Variants in COQ9 observed in about 807,000 individuals in gnomAD.
COQ9 encodes the protein ubiquinone biosynthesis protein COQ9, mitochondrial.
COQ9 carries 35 observed loss-of-function variants against 42.4 expected under a neutral mutation model. The ratio of observed to expected loss-of-function variants is 0.83; its 90% CI spans 0.63 to 1.10. The LOEUF (loss-of-function observed/expected upper bound fraction) is 1.10. COQ9 is among the 50% of genes least tolerant of loss of function. COQ9 has a pLI of 0.00. For synonymous variants in COQ9, 155 were observed against 155.1 expected, an observed-to-expected ratio of 1.00 and a Z score of 0.00; for missense variants, 406 against 414.6, an observed-to-expected ratio of 0.98 and a Z score of 0.18.
intron 3 of COQ9, 86 bp from the exon 4 acceptor site, chr16:57,456,418 T>C (rs2030403196): frequency 6.8e-7 from 1 of 1,477,008 alleles, no homozygotes. Context: ...CTGCTGTCAC[T>C]AGGAAGAGGC....
At position 57,459,486 on chromosome 16, in the gene COQ9, C is replaced by T. The variant is rs1042312082; in HGVS notation, c.712-79C>T. 3.4e-6 allele frequency: 5 copies of T among 1,463,700 alleles called. No homozygotes were observed. In the South Asian group the frequency reaches 4.6e-5, roughly 13 times the overall value. The allele number at this position is 1,463,700 out of a possible 1,614,324, so 90.7% of individuals were successfully genotyped here. On this transcript the variant is annotated intron_variant, in intron 6 of 8. Coordinates refer to ENST00000262507, the MANE Select transcript of COQ9 (RefSeq NM_020312.4). ...AGTCAAGAAGTAGTCAAGAGGGAAC[C>T]CAGGAGTTCCCATGGCCTTGGGTAG... is the stretch of plus-strand genomic sequence containing the variant.
chr16:57,452,352 T>C (rs1465327375), intron 2 of COQ9, among the ~76,000 whole-genome samples: 1 of 152,238 alleles, frequency 6.6e-6, no homozygotes, highest in East Asian at 1.9e-4. Context: ...CATTAAAACG[T>C]TGATACTGGC....
chr16:57,456,058 A>T (rs1219622496), intron 3 of COQ9, among the ~76,000 whole-genome samples: 1 of 152,100 alleles, frequency 6.6e-6, no homozygotes, highest in East Asian at 1.9e-4. Flanking sequence ...TCAAAAAAAA[A>T]GTAAAAAGAA....
rs1391021317 is a variant in COQ9, at chr16:57,456,510, G to C, written c.385G>C (p.Gly129Arg). 6.2e-7 allele frequency: 1 copy of C among 1,614,108 alleles called. No homozygotes were observed. The highest frequency in any genetic ancestry group is 1.7e-5 in the Admixed American group (1 of 60,014). ...EAIAEGAQSL[G>R]LSSAAASMFG... ...TCTGTCTCCCCTTTTGTAGTCTCTG[G>C]GTCTCTCCAGTGCAGCAGCCAGCAT... Residue 129 changes from glycine to arginine, a missense_variant, in exon 4 of 9, where the codon GGT (glycine) becomes CGT (arginine). Coordinates refer to ENST00000262507, the MANE Select transcript of COQ9 (RefSeq NM_020312.4).
chr16:57,461,030 C>T lies in COQ9; in HGVS notation c.*406C>T. Reference sequence around the variant, plus strand: ...AAGGTCTGACGCCACCTCAAGGTGACAGCTCATCTCCAGCACAGCACAGGC... The same window carrying T: ...AAGGTCTGACGCCACCTCAAGGTGATAGCTCATCTCCAGCACAGCACAGGC... On this transcript the variant is annotated 3_prime_UTR_variant, in exon 9 of 9. Coordinates refer to ENST00000262507, the MANE Select transcript of COQ9 (RefSeq NM_020312.4). 1 of 373,726 alleles carries T rather than the reference C, an allele frequency of 2.7e-6. No homozygotes were observed. Among genetic ancestry groups the T allele is most frequent in the Non-Finnish European group, 5.3e-6 (1 of 188,960 alleles). 23.2% of individuals were successfully genotyped at this position (373,726 alleles called of 1,614,324 possible). A position where few individuals can be genotyped will look rare whatever the true frequency, so the allele number is the denominator to read the frequency against.
chr16:57,448,042 G>A (rs1380358417), intron 1 of COQ9, among the ~76,000 whole-genome samples: 2 of 152,248 alleles, frequency 1.3e-5, no homozygotes, highest in Middle Eastern at 3.4e-3. Flanking sequence ...TATGTACTCA[G>A]TATTTTTATT....
At chr16:57,453,272 C>T (rs542309808) in intron 3 of COQ9, 2 of 393,358 alleles carry the variant, frequency 5.1e-6, no homozygotes, top group East Asian at 5.8e-5. Context: ...AGAAAACATA[C>T]TGCCCTTCGA....
chr16:57,459,447 G>T lies in COQ9; in HGVS notation c.712-118G>T. 3.1e-6 allele frequency: 3 copies of T among 974,302 alleles called. No individual in the cohort carries two copies. The South Asian group carries it at 4.0e-5, about 13-fold the overall frequency. The allele number at this position is 974,302 out of a possible 1,614,324, so 60.4% of individuals were successfully genotyped here. A position where few individuals can be genotyped will look rare whatever the true frequency, so the allele number is the denominator to read the frequency against. On this transcript the variant is annotated intron_variant, in intron 6 of 8. Transcript: ENST00000262507. The stretch of plus-strand genomic sequence containing the variant: ...GATGGTAGTGTTGTCCAGAGGGCCA[G>T]ATGTATCTGTGACAGTCAAGAAGTA...
chr16:57,453,374 A>AC, intron 3 of COQ9: 1 of 252,642 alleles, frequency 4.0e-6, no homozygotes, highest in Non-Finnish European at 7.9e-6. Flanking sequence ...GTGTTTGAAA[A>AC]CCCCCAAGAA....
At chr16:57,451,331 T>G in intron 2 of COQ9, 123 bp downstream of exon 2, 1 of 1,101,860 alleles carries the variant, frequency 9.1e-7, no homozygotes, top group Non-Finnish European at 1.4e-6. Context: ...CCATCTTTGT[T>G]TTTTAGAATT....
intron 8 of COQ9, 85 bp from the exon 9 acceptor site, chr16:57,460,501 AGAG>A: frequency 7.7e-7 from 1 of 1,306,150 alleles, no homozygotes; most frequent in Non-Finnish European, 1.1e-6. Context: ...AAAAAAAAAA[AGAG>A]AAAAAGAAAA....
chr16:57,458,353 G>C lies in COQ9; in HGVS notation c.711+3G>C, dbSNP rs368777580. 56 of 1,602,306 alleles carry C rather than the reference G, an allele frequency of 3.5e-5. No individual in the cohort carries two copies. Among genetic ancestry groups the C allele is most frequent in the Non-Finnish European group, 4.7e-5 (55 of 1,170,968 alleles). On this transcript the variant is annotated splice_donor_region_variant and intron_variant, in intron 6 of 8. Transcript: ENST00000262507. Reference sequence around the variant, plus strand: ...ACGCTGGGGACCAGTCCACTGATGTGAGTGCTTTCTGCAGGCCCACAGGAG... The same window carrying C: ...ACGCTGGGGACCAGTCCACTGATGTCAGTGCTTTCTGCAGGCCCACAGGAG...
In COQ9 at chr16:57,456,990, T is replaced by G. The variant is rs2030419164; in HGVS notation, c.581T>G (p.Ile194Ser). 4 of 1,613,984 alleles carry G rather than the reference T, an allele frequency of 2.5e-6. No homozygotes were observed. Among genetic ancestry groups the G allele is most frequent in the Non-Finnish European group, 3.4e-6 (4 of 1,179,886 alleles). The change falls in exon 5 of 9, where the codon ATC (isoleucine) becomes AGC (serine). Residue 194 changes from isoleucine (I) to serine (S), a missense_variant. Physicochemically the swap from Ile to Ser is moderately radical, Grantham distance 142. Transcript: ENST00000262507. ...DAVETRLRML[I>S]PYIEHWPRAL... ...GTGGAAACCAGACTGAGAATGCTGA[T>G]CCCATACATTGAGCACTGGCCCCGG...
chr16:57,460,192 G>A, intron 8 of COQ9, 88 bp downstream of exon 8: 2 of 1,324,138 alleles, frequency 1.5e-6, no homozygotes, highest in Non-Finnish European at 2.2e-6. Flanking sequence ...TCATTTTGTA[G>A]CCCTAACCTG....
intron 5 of COQ9, among the ~76,000 whole-genome samples, chr16:57,457,726 G>T (rs969232289): frequency 1.3e-5 from 2 of 152,190 alleles, no homozygotes; most frequent in African/African-American, 4.8e-5. Context: ...GGAAGTGCAC[G>T]TATGAGGCCC....
intron 2 of COQ9, among the ~76,000 whole-genome samples, chr16:57,451,546 A>G (rs561138735): frequency 2.0e-5 from 3 of 152,266 alleles, no homozygotes; most frequent in Non-Finnish European, 4.4e-5. Context: ...CCTAAACAGT[A>G]TAGAGAAGTT....
Position 57,451,187 on chromosome 16 carries a change from A to G in COQ9, c.221A>G (p.Glu74Gly). Residue 74 changes from glutamate to glycine, a missense_variant, in exon 2 of 9, where the codon GAG becomes GGG. Physicochemically the swap from Glu to Gly is moderately conservative, Grantham distance 98 (BLOSUM62 -2). Transcript: ENST00000262507. ...CAGGGGGCAGAAAAACCTGATCCAG[A>G]GTCTTCTCATTCACCCCCCAGGTAG... The part of the protein sequence containing the change: ...ETQGAEKPDP[E>G]SSHSPPRYTD... 6.2e-7 allele frequency: 1 copy of G among 1,614,176 alleles called. No individual in the cohort carries two copies. The highest frequency in any genetic ancestry group is 8.5e-7 in the Non-Finnish European group (1 of 1,180,032).
At chr16:57,447,657 G>C in intron 1 of COQ9, 79 bp downstream of exon 1, 2 of 1,158,476 alleles carry the variant, frequency 1.7e-6, no homozygotes, top group Non-Finnish European at 2.2e-6. Context: ...TTCGACGGTG[G>C]GGGGAAGAGG....
chr16:57,450,063 C>A (rs1190193513), intron 1 of COQ9, among the ~76,000 whole-genome samples: 1 of 152,150 alleles, frequency 6.6e-6, no homozygotes, highest in African/African-American at 2.4e-5. Flanking sequence ...ATGTGTTGAA[C>A]CTAGTGGCAG....
Sources: allele counts gnomAD v4.1 joint callset (sites outside exome capture counted in the v4.1 genomes callset), GRCh38; gene constraint gnomAD v4.1.1; transcripts MANE v1.5; gene names NCBI Gene and HGNC (gene_info 2026-07-23, HGNC 2026-07-21).